The following GRK7 variants were observed in gnomAD, a reference collection of about 807,000 sequenced individuals.
GRK7 encodes the protein G protein-coupled receptor kinase 7.
A neutral mutation model predicts 34.1 loss-of-function variants in GRK7; 24 were observed. The observed-to-expected ratio is 0.70, with a 90% CI of 0.51 to 0.99. The LOEUF is 0.99. Among genes scored for constraint, GRK7 ranks in the 50% least tolerant of loss-of-function variants. The pLI, the probability that GRK7 is intolerant of heterozygous loss-of-function variation, is 0.00. For missense variants in GRK7, 644 were observed against 707.3 expected (o/e 0.91, Z 1.02); for synonymous variants, 256 against 279.4 (o/e 0.92, Z 0.84).
At chr3:141,774,170 T>C (rs1344223923) in intron 1 of GRK7, among the ~76,000 whole-genome samples, 1 of 152,184 alleles carries the variant, frequency 6.6e-6, no homozygotes, top group Non-Finnish European at 1.5e-5. Context: ...TGGTAGCTCA[T>C]ACCTGTAATC....
At chr3:141,773,977 C>T (rs1277126377) in intron 1 of GRK7, among the ~76,000 whole-genome samples, 3 of 152,158 alleles carry the variant, frequency 2.0e-5, no homozygotes, top group East Asian at 1.9e-4. Context: ...GTTTCTGGTA[C>T]GTTTCCCCAC....
Position 141,818,172 on chromosome 3 carries a change from C to CCTA in GRK7, c.*1123_*1125dup, listed in dbSNP as rs1711172005. 6.6e-6 allele frequency: 1 copy of CCTA among 152,094 alleles called. No individual in the cohort carries two copies. The highest frequency in any genetic ancestry group is 2.1e-4 in the South Asian group (1 of 4,826). 9.4% of individuals were successfully genotyped at this position (152,094 alleles called of 1,614,324 possible). ...TGGCTATTTCAAGTCCTGAAGGAGACCTATGGGCTTAGAAATTGAGTTGAA... is the reference window on the plus strand; with the variant it reads ...TGGCTATTTCAAGTCCTGAAGGAGACCTACTATGGGCTTAGAAATTGAGTTGAA... On this transcript the variant is annotated 3_prime_UTR_variant, in exon 6 of 6. Transcript: ENST00000682958.
At chr3:141,776,278 C>T (rs1287354963) in intron 2 of GRK7, among the ~76,000 whole-genome samples, 1 of 102,950 alleles carries the variant, frequency 9.7e-6, no homozygotes, top group Non-Finnish European at 1.9e-5. Context: ...TAGAGCGAGA[C>T]TCCGTCTCAA....
At chr3:141,776,952 G>A (rs2084642622) in intron 2 of GRK7, among the ~76,000 whole-genome samples, 1 of 152,130 alleles carries the variant, frequency 6.6e-6, no homozygotes, top group African/African-American at 2.4e-5. Flanking sequence ...TTCTTAGCCT[G>A]ATCTCTGTCT....
At chr3:141,772,373 G>A (rs543903523) in intron 1 of GRK7, among the ~76,000 whole-genome samples, 17 of 152,332 alleles carry the variant, frequency 1.1e-4, no homozygotes, top group East Asian at 3.9e-4. Context: ...GATTACAGGC[G>A]TGAGCCACTG....
In GRK7 at chr3:141,817,935, T is replaced by A. The variant is rs1443257686; in HGVS notation, c.*885T>A. 1 of 152,250 alleles carries A rather than the reference T, an allele frequency of 6.6e-6. No individual in the cohort carries two copies. The highest frequency in any genetic ancestry group is 1.5e-5 in the Non-Finnish European group (1 of 68,046). The allele number at this position is 152,250 out of a possible 1,614,324, so 9.4% of individuals were successfully genotyped here. ...ATGTGCAGCAGAGTTTGGCAGGCAC[T>A]GCTGTGCACATTTGAATGTTATTAC... is the stretch of plus-strand genomic sequence containing the variant. On this transcript the variant is annotated 3_prime_UTR_variant, in exon 6 of 6. Transcript: ENST00000682958.
the GRK7 span, among the ~76,000 whole-genome samples, chr3:141,757,161 T>TA: frequency 7.0e-6 from 1 of 143,464 alleles, no homozygotes; most frequent in Non-Finnish European, 1.5e-5. Context: ...TTTTTTTTTT[T>TA]ATTATACTTT....
chr3:141,772,001 AAAC>A (rs375179963), intron 1 of GRK7, among the ~76,000 whole-genome samples: 5 of 152,018 alleles, frequency 3.3e-5, no homozygotes, highest in Admixed American at 6.6e-5. Context: ...ATCTATTTTT[AAAC>A]AACAACAACA....
chr3:141,751,643 A>G, the GRK7 span, among the ~76,000 whole-genome samples: 4 of 152,232 alleles, frequency 2.6e-5, no homozygotes, highest in Admixed American at 6.5e-5. Flanking sequence ...GACCCTATTA[A>G]GGAAGAAAAT....
chr3:141,778,765 C>T lies in GRK7; in HGVS notation c.481C>T (p.Gln161Ter). 6.2e-7 allele frequency: 1 copy of T among 1,607,894 alleles called. No homozygotes were observed. The highest frequency in any genetic ancestry group is 1.3e-5 in the African/African-American group (1 of 74,898). The change falls in exon 3 of 6, where the codon CAG becomes TAG. Residue 161 changes from glutamine (Q) to a stop codon, truncating the protein, a stop_gained. Coordinates refer to ENST00000682958, the MANE Select transcript of GRK7 (RefSeq NM_139209.3). LOFTEE classifies it high-confidence loss of function. This position sits in a 1 kb window ranked among gnomAD's most constrained non-coding sequence, Gnocchi z 4.1. The stretch of plus-strand genomic sequence containing the variant: ...TGAGGCCATGGCTTTCTTGCAAGAG[C>T]AGCCCTTTAAGGATTTCGTGACCAG... ...KAEAMAFLQE[Q>*]PFKDFVTSAF...
At chr3:141,789,161 G>T (rs60532289) in intron 4 of GRK7, among the ~76,000 whole-genome samples, 9,015 of 152,220 alleles carry the variant, frequency 0.059, 879 homozygotes, top group African/African-American at 0.2. Flanking sequence ...GATAGAGTAG[G>T]TTACTGTGAT....
intron 1 of GRK7, among the ~76,000 whole-genome samples, chr3:141,766,388 C>T (rs1238626700): frequency 1.3e-5 from 2 of 152,170 alleles, no homozygotes; most frequent in East Asian, 3.9e-4. Flanking sequence ...TGGTCTCGAT[C>T]TCCTGACCTC....
intron 4 of GRK7, among the ~76,000 whole-genome samples, chr3:141,788,556 T>G (rs895471110): frequency 6.6e-6 from 1 of 152,172 alleles, no homozygotes; most frequent in Admixed American, 6.5e-5. Context: ...CGGTGACTTC[T>G]GCCCCGTGGG....
chr3:141,782,818 A>G lies in GRK7; in HGVS notation c.1050+2007A>G, dbSNP rs1436652333. Among the ~76,000 whole-genome samples, 5 of 152,256 alleles carry G rather than the reference A, an allele frequency of 3.3e-5. No homozygotes were observed. In the East Asian group the frequency reaches 9.6e-4, roughly 29 times the overall value. On this transcript the variant is annotated intron_variant, in intron 4 of 5. Coordinates refer to ENST00000682958, the MANE Select transcript of GRK7 (RefSeq NM_139209.3). ...AGACTCCATCTTAAAAAAAGAAAAAAAAAAAAAGAAGTAGGAGGAAAGGCA... is the reference window on the plus strand; with the variant it reads ...AGACTCCATCTTAAAAAAAGAAAAAGAAAAAAAGAAGTAGGAGGAAAGGCA...
intron 4 of GRK7, among the ~76,000 whole-genome samples, chr3:141,789,176 T>C (rs986486186): frequency 1.3e-5 from 2 of 152,222 alleles, no homozygotes; most frequent in African/African-American, 4.8e-5. Flanking sequence ...TGTGATTTAC[T>C]GGACTATCAA....
the GRK7 span, among the ~76,000 whole-genome samples, chr3:141,755,355 A>T: frequency 3.3e-5 from 5 of 152,146 alleles, no homozygotes; most frequent in Admixed American, 2.0e-4. Flanking sequence ...AAAATGAATG[A>T]ATGAATGAAT....
intron 4 of GRK7, among the ~76,000 whole-genome samples, chr3:141,785,178 G>A (rs1291326541): frequency 1.3e-5 from 2 of 152,240 alleles, no homozygotes; most frequent in Admixed American, 6.5e-5. Flanking sequence ...CATTGAGTCT[G>A]AGCAGTTCTT....
intron 4 of GRK7, among the ~76,000 whole-genome samples, chr3:141,794,068 G>A (rs1403586281): frequency 1.3e-5 from 2 of 152,140 alleles, no homozygotes; most frequent in Non-Finnish European, 2.9e-5. Flanking sequence ...GTCACTGGGT[G>A]AGGGTGGGGG....
intron 4 of GRK7, among the ~76,000 whole-genome samples, chr3:141,785,881 G>T (rs1033667985): frequency 6.6e-6 from 1 of 151,154 alleles, no homozygotes; most frequent in Non-Finnish European, 1.5e-5. Context: ...CAAGGCTTCA[G>T]TGAGCTATGA....
Sources: allele counts gnomAD v4.1 joint callset (sites outside exome capture counted in the v4.1 genomes callset), GRCh38; gene constraint gnomAD v4.1.1; non-coding constraint Gnocchi (gnomAD v3.1); transcripts MANE v1.5; gene names NCBI Gene and HGNC (gene_info 2026-07-23, HGNC 2026-07-21).